The following LRRTM4 variants were observed in gnomAD, a reference collection of about 807,000 sequenced individuals.
LRRTM4 encodes leucine rich repeat transmembrane neuronal 4, also known as leucine-rich repeat transmembrane neuronal protein 4.
A neutral mutation model predicts 47.6 loss-of-function variants in LRRTM4; 25 were observed. That is an observed-to-expected ratio of 0.53 (90% CI 0.38 to 0.73). The LOEUF is 0.73. Ranked by LOEUF, LRRTM4 falls within the 30% of genes least tolerant of loss-of-function variation. The pLI is 0.00. For missense variants in LRRTM4, 638 were observed against 713.4 expected (o/e 0.89, Z 1.20); for synonymous variants, 311 against 269.5 (o/e 1.15, Z -1.51).
chr2:77,117,289 T>C (rs180828469), intron 3 of LRRTM4, among the ~76,000 whole-genome samples: 1 of 152,106 alleles, frequency 6.6e-6, no homozygotes, highest in East Asian at 1.9e-4. Context: ...GTTTTTGAAA[T>C]ATAAAATTTT....
At chr2:77,292,030 G>A (rs1451236299) in intron 3 of LRRTM4, among the ~76,000 whole-genome samples, 1 of 151,926 alleles carries the variant, frequency 6.6e-6, no homozygotes, top group Non-Finnish European at 1.5e-5. Flanking sequence ...CAAAAAGTGG[G>A]CAAAGGACAT....
At chr2:77,174,335 C>T (rs1456420075) in intron 3 of LRRTM4, among the ~76,000 whole-genome samples, 1 of 152,174 alleles carries the variant, frequency 6.6e-6, no homozygotes, top group Non-Finnish European at 1.5e-5. Flanking sequence ...CATTATTCAG[C>T]TTTTCAGGCC....
intron 3 of LRRTM4, among the ~76,000 whole-genome samples, chr2:77,177,688 C>T (rs1303031967): frequency 6.6e-6 from 1 of 152,200 alleles, no homozygotes; most frequent in African/African-American, 2.4e-5. Flanking sequence ...TTGGAATCCA[C>T]ACTTTCAAAT....
chr2:77,104,083 A>G (rs974593049), intron 3 of LRRTM4, among the ~76,000 whole-genome samples: 1 of 152,190 alleles, frequency 6.6e-6, no homozygotes, highest in African/African-American at 2.4e-5. Flanking sequence ...CTCCTCCTAT[A>G]GACTTTCTCA....
chr2:76,956,561 T>C (rs1157193942), intron 3 of LRRTM4, among the ~76,000 whole-genome samples: 1 of 150,418 alleles, frequency 6.6e-6, no homozygotes, highest in African/African-American at 2.4e-5. Context: ...ACTAGAAAAA[T>C]AAGAATGATC....
At chr2:77,171,574 G>T (rs1188869961) in intron 3 of LRRTM4, among the ~76,000 whole-genome samples, 1 of 151,780 alleles carries the variant, frequency 6.6e-6, no homozygotes, top group African/African-American at 2.4e-5. Flanking sequence ...ACGGCGACTG[G>T]CCTGGTTTAT....
intron 3 of LRRTM4, among the ~76,000 whole-genome samples, chr2:77,262,489 G>A (rs1471119767): frequency 2.6e-5 from 4 of 151,164 alleles, no homozygotes; most frequent in Admixed American, 2.6e-4. Context: ...ATTTACATTT[G>A]TTTAGTTTTT....
At chr2:77,194,576 A>T (rs190532552) in intron 3 of LRRTM4, among the ~76,000 whole-genome samples, 113 of 152,332 alleles carry the variant, frequency 7.4e-4, no homozygotes, top group Non-Finnish European at 7.5e-4. Context: ...ACAGAAAATC[A>T]TGATATTCTT....
chr2:77,489,560 G>A (rs927759507), intron 3 of LRRTM4, among the ~76,000 whole-genome samples: 2 of 152,126 alleles, frequency 1.3e-5, no homozygotes, highest in Admixed American at 1.3e-4. Flanking sequence ...ACATTTAAGA[G>A]TTTTCTTTAT....
chr2:76,751,769 T>C (rs1426778633), intron 3 of LRRTM4, among the ~76,000 whole-genome samples: 1 of 152,152 alleles, frequency 6.6e-6, no homozygotes, highest in Admixed American at 6.6e-5. Context: ...GGGTCACTTA[T>C]ACTCCAAGAA....
intron 3 of LRRTM4, among the ~76,000 whole-genome samples, chr2:77,403,351 T>G (rs937667785): frequency 6.6e-6 from 1 of 151,918 alleles, no homozygotes; most frequent in African/African-American, 2.4e-5. Flanking sequence ...TTTCATATGA[T>G]GGGAACTTCT....
chr2:77,084,570 T>A (rs60460197), intron 3 of LRRTM4, among the ~76,000 whole-genome samples: 11,153 of 152,256 alleles, frequency 0.073, 672 homozygotes, highest in African/African-American at 0.16. Context: ...TTAACAATTG[T>A]CTACATCCCC....
intron 3 of LRRTM4, among the ~76,000 whole-genome samples, chr2:76,943,409 C>G (rs1031769362): frequency 6.6e-5 from 10 of 152,062 alleles, no homozygotes; most frequent in African/African-American, 2.2e-4. Context: ...GCACCCCCGC[C>G]TGGCAACAAA....
chr2:76,880,063 G>A (rs905345561), intron 3 of LRRTM4, among the ~76,000 whole-genome samples: 1 of 152,192 alleles, frequency 6.6e-6, no homozygotes, highest in African/African-American at 2.4e-5. Context: ...TCTACTCTTG[G>A]TGAAGATGCT....
chr2:77,192,596 T>C (rs1220918147), intron 3 of LRRTM4, among the ~76,000 whole-genome samples: 4 of 138,384 alleles, frequency 2.9e-5, no homozygotes, highest in Non-Finnish European at 6.5e-5. Flanking sequence ...ACCTATTTTT[T>C]TGGTAAATCA....
At chr2:76,801,334 A>G (rs1321833888) in intron 3 of LRRTM4, among the ~76,000 whole-genome samples, 2 of 152,168 alleles carry the variant, frequency 1.3e-5, no homozygotes, top group Admixed American at 1.3e-4. Context: ...CTATGCAGCC[A>G]TAAAAAATGA....
rs1456216113 is a variant in LRRTM4, at chr2:77,307,668, A to C, written c.1551+210650T>G. The stretch of plus-strand genomic sequence containing the variant: ...TATATCTATATATTATAGAAATATA[A>C]ATATATAGATATATCTATATATTAT... On this transcript the variant is annotated intron_variant, in intron 3 of 3. Transcript: ENST00000409884. Among the ~76,000 whole-genome samples, 41 of 54,628 alleles carry C rather than the reference A, an allele frequency of 7.5e-4. No homozygotes were observed. The African/African-American group carries it at 8.9e-3, about 12-fold the overall frequency. 35.8% of individuals were successfully genotyped at this position (54,628 alleles called of 152,430 possible).
chr2:76,876,153 GA>G (rs879507340), intron 3 of LRRTM4, among the ~76,000 whole-genome samples: 14 of 151,646 alleles, frequency 9.2e-5, no homozygotes, highest in South Asian at 2.1e-4. Context: ...CGATTTTAGA[GA>G]AAAAAAAGAA....
chr2:77,073,141 A>C (rs1680216960), intron 3 of LRRTM4, among the ~76,000 whole-genome samples: 1 of 151,996 alleles, frequency 6.6e-6, no homozygotes, highest in Non-Finnish European at 1.5e-5. Flanking sequence ...TCTGATACAG[A>C]GGCAAACACT....
Sources: gnomAD v4.1 joint callset for allele counts (sites outside exome capture counted in the v4.1 genomes callset) on GRCh38, gnomAD v4.1.1 for gene constraint, MANE v1.5 for transcripts, NCBI Gene and HGNC (gene_info 2026-07-23, HGNC 2026-07-21) for gene names.